Variants in SELPLG observed in about 807,000 individuals in gnomAD.
SELPLG encodes P-selectin glycoprotein ligand 1.
SELPLG carries 2 observed loss-of-function variants against 1.1 expected under a neutral mutation model. The observed-to-expected ratio is 1.82, with a 90% CI of 0.74 to 5.71. The LOEUF is 5.71. Ranked by LOEUF, SELPLG falls within the 30% of genes most tolerant of loss-of-function variation. The probability of loss-of-function intolerance (pLI) is 0.05; values close to 1 mark genes in which losing one functional copy is unlikely to be tolerated. For missense variants in SELPLG, 478 were observed against 524.7 expected (o/e 0.91, Z 0.87); for synonymous variants, 230 against 221.2 (o/e 1.04, Z -0.35).
At chr12:108,629,036 C>T (rs906241108) in intron 1 of SELPLG, among the ~76,000 whole-genome samples, 2 of 152,178 alleles carry the variant, frequency 1.3e-5, no homozygotes, top group Non-Finnish European at 2.9e-5. Flanking sequence ...GGACTCTCTT[C>T]GGCGCTGCAG....
intron 1 of SELPLG, among the ~76,000 whole-genome samples, chr12:108,629,528 T>C (rs1188322145): frequency 2.6e-5 from 4 of 152,068 alleles, no homozygotes; most frequent in African/African-American, 9.7e-5. Context: ...CTGGGCAACA[T>C]ACTGAGACCC....
intron 1 of SELPLG, among the ~76,000 whole-genome samples, chr12:108,625,072 A>G (rs767057775): frequency 1.2e-4 from 19 of 152,162 alleles, no homozygotes; most frequent in Non-Finnish European, 2.4e-4. Flanking sequence ...GAATTCATAA[A>G]TAGATTAATT....
chr12:108,630,411 G>C (rs910338642), intron 1 of SELPLG, among the ~76,000 whole-genome samples: 1 of 152,212 alleles, frequency 6.6e-6, no homozygotes, highest in Non-Finnish European at 1.5e-5. Flanking sequence ...TGGTCAGAGC[G>C]GGCAGGATCT....
chr12:108,622,967 C>T lies in SELPLG; in HGVS notation c.*102G>A. ...CCTGAAGATCCCCATCCCCAGGGGTCTCCGAGGAAGCCCAGAGCTGTGGAA... is the reference window on the plus strand; with the variant it reads ...CCTGAAGATCCCCATCCCCAGGGGTTTCCGAGGAAGCCCAGAGCTGTGGAA... On this transcript the variant is annotated 3_prime_UTR_variant, in exon 2 of 2. Coordinates refer to ENST00000550948, the MANE Select transcript of SELPLG (RefSeq NM_003006.4). 1 of 1,251,082 alleles carries T rather than the reference C, an allele frequency of 8.0e-7. No homozygotes were observed. Among genetic ancestry groups the T allele is most frequent in the South Asian group, 1.8e-5 (1 of 57,134 alleles). The allele number at this position is 1,251,082 out of a possible 1,614,324, so 77.5% of individuals were successfully genotyped here.
chr12:108,632,997 G>C (rs1024607732), intron 1 of SELPLG, among the ~76,000 whole-genome samples: 1 of 152,116 alleles, frequency 6.6e-6, no homozygotes, highest in Non-Finnish European at 1.5e-5. Context: ...AGCTTCAAGA[G>C]AAATCCTGCA....
At position 108,623,785 on chromosome 12, in the gene SELPLG, G is replaced by C. The variant is rs552120313; in HGVS notation, c.523C>G (p.Pro175Ala). Residue 175 changes from proline (P) to alanine (A), a missense_variant, in exon 2 of 2, where the codon CCA (proline) becomes GCA (alanine). Coordinates refer to ENST00000550948, the MANE Select transcript of SELPLG (RefSeq NM_003006.4). ...GTCTGTGCTTCCGTGGCTGCTGGTG[G>C]AGTGGTCTGTGCCTCTGTGGCTGCC... ...PLAATEAQTT[P>A]PAATEAQTTQ... 90 of 1,611,760 alleles carry C rather than the reference G, an allele frequency of 5.6e-5. 1 individual carries two copies. In the South Asian group the frequency reaches 9.1e-4, roughly 16 times the overall value.
In SELPLG at chr12:108,623,190, C is replaced by A; in HGVS notation, c.1118G>T (p.Gly373Val). Residue 373 changes from glycine to valine, a missense_variant, in exon 2 of 2, where the codon GGT (glycine) becomes GTT (valine). By Grantham distance (109) the Gly-to-Val change is moderately radical. Coordinates refer to ENST00000550948, the MANE Select transcript of SELPLG (RefSeq NM_003006.4). ...VCISSLLPDGGEGPSATANGG... is the reference protein window; with the variant it reads ...VCISSLLPDGVEGPSATANGG... The stretch of plus-strand genomic sequence containing the variant: ...ATTGGCTGTGGCAGAGGGCCCCTCA[C>A]CCCCATCAGGCAACAGGGATGAGAT... 6.2e-7 allele frequency: 1 copy of A among 1,613,842 alleles called. No homozygotes were observed. The highest frequency in any genetic ancestry group is 8.5e-7 in the Non-Finnish European group (1 of 1,179,886).
rs561326221 is a variant in SELPLG, at chr12:108,625,191, C to G, written c.-5-879G>C. Among the ~76,000 whole-genome samples the G allele has an allele frequency of 5.3e-5, 8 of 152,166 alleles. No homozygotes were observed. The South Asian group carries it at 1.7e-3, about 32-fold the overall frequency. ...CTTGGAGTCTGATTCTACCTGCTGC[C>G]CCCTCTCCCTGCCCACTGCCATGCC... On this transcript the variant is annotated intron_variant, in intron 1 of 1. Coordinates refer to ENST00000550948, the MANE Select transcript of SELPLG (RefSeq NM_003006.4).
At position 108,623,312 on chromosome 12, in the gene SELPLG, A is replaced by G; in HGVS notation, c.996T>C (p.Thr332=). 6.2e-7 allele frequency: 1 copy of G among 1,614,236 alleles called. No homozygotes were observed. Among genetic ancestry groups the G allele is most frequent in the South Asian group, 1.1e-5 (1 of 91,086 alleles). ...GCACCACAGTGCACACGAAGAAGATAGTGGCCACCAGCGCCAAGATTAGGA... is the reference window on the plus strand; with the variant it reads ...GCACCACAGTGCACACGAAGAAGATGGTGGCCACCAGCGCCAAGATTAGGA... ...LAILILALVA[T]IFFVCTVVLA... The change falls in exon 2 of 2, where the codon ACT becomes ACC. Residue 332 remains threonine, a synonymous_variant. Transcript: ENST00000550948.
At chr12:108,631,939 G>A in intron 1 of SELPLG, 1 of 1,535,536 alleles carries the variant, frequency 6.5e-7, no homozygotes, top group Non-Finnish European at 8.7e-7. Flanking sequence ...CCGAGACACA[G>A]GCCTAGGGTC....
At chr12:108,626,589 T>G (rs962356558) in intron 1 of SELPLG, among the ~76,000 whole-genome samples, 1 of 152,212 alleles carries the variant, frequency 6.6e-6, no homozygotes, top group African/African-American at 2.4e-5. Context: ...TTCGACCTCC[T>G]AGGCTCAAGT....
Position 108,624,297 on chromosome 12 carries a change from T to C in SELPLG, c.11A>G (p.Gln4Arg), listed in dbSNP as rs1435373459. MPLQLLLLLILLGP... is the reference protein window; with the variant it reads MPLRLLLLLILLGP... ...CAGTAGGATCAGCAACAGGAGGAGT[T>C]GCAGAGGCATGGCACCTAGGAGGAG... Residue 4 changes from glutamine (Q) to arginine (R), a missense_variant, in exon 2 of 2, where the codon CAA (glutamine) becomes CGA (arginine). Physicochemically the swap from Gln to Arg is conservative, Grantham distance 43. Transcript: ENST00000550948. 6.2e-7 allele frequency: 1 copy of C among 1,613,778 alleles called. No individual in the cohort carries two copies.
Position 108,624,063 on chromosome 12 carries a change from G to C in SELPLG, c.245C>G (p.Thr82Ser), listed in dbSNP as rs780685795. Residue 82 changes from threonine (T) to serine (S), a missense_variant, in exon 2 of 2, where the codon ACT becomes AGT. Thr to Ser is a moderately conservative substitution (Grantham distance 58). Coordinates refer to ENST00000550948, the MANE Select transcript of SELPLG (RefSeq NM_003006.4). The part of the protein sequence containing the change: ...LTGPGTPEST[T>S]VEPAARRSTG... ...AGAACGCCTTGCAGCAGGCTCCACA[G>C]TGGTAGACTCAGGGGTTCCAGGCCC... 261 of 1,614,132 alleles carry C rather than the reference G, an allele frequency of 1.6e-4. 2 individuals carry two copies. The highest frequency in any genetic ancestry group is 2.1e-4 in the Non-Finnish European group (250 of 1,180,048).
chr12:108,623,130 G>A lies in SELPLG; in HGVS notation c.1178C>T (p.Thr393Met), dbSNP rs145775085. 79 of 1,592,446 alleles carry A rather than the reference G, an allele frequency of 5.0e-5. No individual in the cohort carries two copies. Among genetic ancestry groups the A allele is most frequent in the Middle Eastern group, 1.7e-4 (1 of 5,942 alleles). Residue 393 changes from threonine to methionine, a missense_variant, in exon 2 of 2, where the codon ACG (threonine) becomes ATG (methionine). Transcript: ENST00000550948. Reference sequence around the variant, plus strand: ...CTCACGGTCCTCCCTGGGCTCTGGCGTCAGGCCCGGGCTCTTGGCCTTGGA... The same window carrying A: ...CTCACGGTCCTCCCTGGGCTCTGGCATCAGGCCCGGGCTCTTGGCCTTGGA... ...GLSKAKSPGL[T>M]PEPREDREGD... is the part of the protein sequence containing the mutation.
chr12:108,626,576 A>T (rs1411432227), intron 1 of SELPLG, among the ~76,000 whole-genome samples: 2 of 152,228 alleles, frequency 1.3e-5, no homozygotes, highest in African/African-American at 4.8e-5. Flanking sequence ...AGCTCACTGC[A>T]GCTTCGACCT....
chr12:108,625,084 A>G (rs1358562095), intron 1 of SELPLG, among the ~76,000 whole-genome samples: 12 of 152,150 alleles, frequency 7.9e-5, no homozygotes. Flanking sequence ...AGATTAATTG[A>G]CCACTTACGA....
chr12:108,626,291 T>C (rs2031935677), intron 1 of SELPLG, among the ~76,000 whole-genome samples: 1 of 152,002 alleles, frequency 6.6e-6, no homozygotes, highest in South Asian at 2.1e-4. Context: ...CACACAACTA[T>C]GCCCAGCTAA....
intron 1 of SELPLG, among the ~76,000 whole-genome samples, chr12:108,624,930 T>A (rs2031910474): frequency 6.6e-6 from 1 of 152,140 alleles, no homozygotes; most frequent in African/African-American, 2.4e-5. Context: ...CCTCAAGTTA[T>A]CTGCCCACCT....
rs201688713 is a variant in SELPLG at position 108,626,132 on chromosome 12, T to TC, written c.-5-1821_-5-1820insG. ...AGAATTATGTTGGTTTCTTTTCTTT[T>TC]TTTTTTTTTTTTTTTTCTCCAAGAC... On this transcript the variant is annotated intron_variant, in intron 1 of 1. Transcript: ENST00000550948. Among the ~76,000 whole-genome samples, 100 of 139,274 alleles carry TC rather than the reference T, an allele frequency of 7.2e-4. 1 individual carries two copies. Among genetic ancestry groups the TC allele is most frequent in the South Asian group, 2.8e-3 (13 of 4,656 alleles). The allele number at this position is 139,274 out of a possible 152,430, so 91.4% of individuals were successfully genotyped here.
Sources: allele counts gnomAD v4.1 joint callset (sites outside exome capture counted in the v4.1 genomes callset), GRCh38; gene constraint gnomAD v4.1.1; transcripts MANE v1.5; gene names NCBI Gene and HGNC (gene_info 2026-07-23, HGNC 2026-07-21).